EEPD1: variants seen among roughly 807,000 people sequenced by gnomAD.
EEPD1 encodes endonuclease/exonuclease/phosphatase family domain containing 1.
Under a neutral mutation model 46.3 loss-of-function variants are expected in EEPD1, and 17 were observed. The observed-to-expected ratio is 0.37, with a 90% confidence interval of 0.25 to 0.55. EEPD1 has a LOEUF of 0.55. EEPD1 is among the 20% of genes least tolerant of loss of function. The probability of loss-of-function intolerance (pLI) is 0.83; values close to 1 mark genes in which losing one functional copy is unlikely to be tolerated. For missense variants in EEPD1, 673 were observed against 745.6 expected (o/e 0.90, Z 1.13); for synonymous variants, 313 against 315.6 (o/e 0.99, Z 0.09).
At position 36,196,695 on chromosome 7, in the gene EEPD1, G is replaced by A. The variant is rs1785597594; in HGVS notation, c.878+41493G>A. ...TCCCGAAGTGCCGGGATTGCAGACAGAGTCTCGTTAACTCAGTGCTCAATG... is the reference window on the plus strand; with the variant it reads ...TCCCGAAGTGCCGGGATTGCAGACAAAGTCTCGTTAACTCAGTGCTCAATG... On this transcript the variant is annotated intron_variant, in intron 2 of 7. Coordinates refer to ENST00000242108, the MANE Select transcript of EEPD1 (RefSeq NM_030636.3). Among the ~76,000 whole-genome samples the A allele has an allele frequency of 2.6e-5, 4 of 152,238 alleles. No individual in the cohort carries two copies. In the South Asian group the frequency reaches 8.3e-4, roughly 31 times the overall value.
intron 4 of EEPD1, among the ~76,000 whole-genome samples, chr7:36,282,607 A>G (rs777611112): frequency 9.2e-5 from 14 of 152,256 alleles, no homozygotes; most frequent in Non-Finnish European, 1.5e-4. Flanking sequence ...CTTCATCTGT[A>G]AAATGGGAGC....
chr7:36,257,555 G>T (rs1020177489), intron 3 of EEPD1, among the ~76,000 whole-genome samples: 1 of 151,960 alleles, frequency 6.6e-6, no homozygotes, highest in Non-Finnish European at 1.5e-5. Context: ...TTGTCTTCAC[G>T]CTTTATTTCA....
chr7:36,228,156 A>C (rs1355557452), intron 2 of EEPD1, among the ~76,000 whole-genome samples: 1 of 152,210 alleles, frequency 6.6e-6, no homozygotes, highest in Non-Finnish European at 1.5e-5. Flanking sequence ...AAGGGAAAAG[A>C]GGCGTGTTCA....
In EEPD1 at chr7:36,263,058, C is replaced by T. The variant is rs77491689; in HGVS notation, c.931-18057C>T. On this transcript the variant is annotated intron_variant, in intron 3 of 7. Coordinates refer to ENST00000242108, the MANE Select transcript of EEPD1 (RefSeq NM_030636.3). The stretch of plus-strand genomic sequence containing the variant: ...GAAATAAAATGATAAAAAACTTTAG[C>T]TGTTCATGGTGGTGCATGCCTGTGG... 6.9e-3 allele frequency among the ~76,000 whole-genome samples: 1,049 copies of T among 152,242 alleles called. 16 individuals carry two copies. The highest frequency in any genetic ancestry group is 0.024 in the African/African-American group (1,000 of 41,528).
At chr7:36,252,841 T>G (rs1457722201) in intron 3 of EEPD1, among the ~76,000 whole-genome samples, 1 of 144,402 alleles carries the variant, frequency 6.9e-6, no homozygotes, top group Admixed American at 7.0e-5. Flanking sequence ...TTTTTTTTTT[T>G]TTTTTTTTTT....
intron 3 of EEPD1, among the ~76,000 whole-genome samples, chr7:36,268,644 A>G (rs559268765): frequency 1.3e-5 from 2 of 152,136 alleles, no homozygotes; most frequent in Admixed American, 1.3e-4. Context: ...CCACTGGTGT[A>G]TTTCAGAAAT....
rs930536920 is a variant in EEPD1, at chr7:36,300,961, A to T, written c.*1755A>T. ...TTAAAGTCAAGAGGGGCAGCTCAGG[A>T]TGCTACCAGGGAGCACATCGTTTCT... On this transcript the variant is annotated 3_prime_UTR_variant, in exon 8 of 8. Transcript: ENST00000242108. The T allele has an allele frequency of 2.6e-5, 4 of 152,288 alleles. No individual in the cohort carries two copies. The highest frequency in any genetic ancestry group is 9.6e-5 in the African/African-American group (4 of 41,460). 9.4% of individuals were successfully genotyped at this position (152,288 alleles called of 1,614,324 possible). A position where few individuals can be genotyped will look rare whatever the true frequency, so the allele number is the denominator to read the frequency against.
chr7:36,181,282 C>T (rs1274602930), intron 2 of EEPD1, among the ~76,000 whole-genome samples: 1 of 151,232 alleles, frequency 6.6e-6, no homozygotes, highest in Non-Finnish European at 1.5e-5. Context: ...TGTTCCCTTT[C>T]ACACTCGGAG....
intron 5 of EEPD1, among the ~76,000 whole-genome samples, chr7:36,286,576 C>G (rs1353323843): frequency 1.3e-5 from 2 of 152,204 alleles, no homozygotes; most frequent in African/African-American, 4.8e-5. Context: ...TGCACTTGCC[C>G]TTGGGGATGC....
intron 3 of EEPD1, among the ~76,000 whole-genome samples, chr7:36,280,073 G>A (rs1316470117): frequency 6.6e-6 from 1 of 152,212 alleles, no homozygotes; most frequent in East Asian, 1.9e-4. Context: ...CAGCGGGAAG[G>A]ATGGAAGTGC....
At chr7:36,157,392 T>A (rs1418385319) in intron 2 of EEPD1, among the ~76,000 whole-genome samples, 1 of 152,252 alleles carries the variant, frequency 6.6e-6, no homozygotes, top group Non-Finnish European at 1.5e-5. Context: ...CAAAGACGGC[T>A]GGCCTCAGCG....
Position 36,287,698 on chromosome 7 carries a change from G to A in EEPD1, c.1236G>A (p.Gly412=), listed in dbSNP as rs142587467. The A allele has an allele frequency of 0.033, 53,679 of 1,614,116 alleles. 1,370 individuals carry two copies. Among genetic ancestry groups the A allele is most frequent in the Non-Finnish European group, 0.035 (41,699 of 1,179,990 alleles). The part of the protein sequence containing the change: ...NLHLAALTLL[G]SENPSKNHSD... The stretch of plus-strand genomic sequence containing the variant: ...ACCTGGCAGCCCTGACCCTCCTGGG[G>A]AGCGAGAATCCCAGCAAGAATCACA... Residue 412 remains glycine, a synonymous_variant, in exon 6 of 8, where the codon GGG becomes GGA. Transcript: ENST00000242108.
At chr7:36,169,332 A>C (rs1785040620) in intron 2 of EEPD1, among the ~76,000 whole-genome samples, 1 of 152,150 alleles carries the variant, frequency 6.6e-6, no homozygotes, top group Non-Finnish European at 1.5e-5. Context: ...GGGTGGCTGC[A>C]CCATTTTACA....
chr7:36,176,489 G>A (rs1405390828), intron 2 of EEPD1, among the ~76,000 whole-genome samples: 7 of 152,178 alleles, frequency 4.6e-5, no homozygotes, highest in Admixed American at 4.6e-4. Flanking sequence ...AAGTTATTTC[G>A]GTTCAGATGC....
chr7:36,191,430 AAG>A (rs933224793), intron 2 of EEPD1, among the ~76,000 whole-genome samples: 2 of 152,182 alleles, frequency 1.3e-5, no homozygotes, highest in African/African-American at 4.8e-5. Context: ...CAGATAGAAC[AAG>A]AGAGTGCAGG....
At chr7:36,268,420 A>G (rs1013983916) in intron 3 of EEPD1, among the ~76,000 whole-genome samples, 1 of 152,058 alleles carries the variant, frequency 6.6e-6, no homozygotes, top group African/African-American at 2.4e-5. Context: ...CGGCCTCCCA[A>G]AGTGCTGGGA....
At chr7:36,257,220 G>T (rs1284230281) in intron 3 of EEPD1, among the ~76,000 whole-genome samples, 2 of 151,914 alleles carry the variant, frequency 1.3e-5, no homozygotes, top group Non-Finnish European at 2.9e-5. Flanking sequence ...CCCTTTGTGG[G>T]TAACCTGATC....
At chr7:36,291,108 T>A (rs148758806) in intron 6 of EEPD1, among the ~76,000 whole-genome samples, 2 of 152,326 alleles carry the variant, frequency 1.3e-5, no homozygotes, top group East Asian at 3.9e-4. Context: ...TAGAATTGTC[T>A]TTTTCAGCCC....
At chr7:36,174,670 T>A (rs1351055644) in intron 2 of EEPD1, among the ~76,000 whole-genome samples, 1 of 152,244 alleles carries the variant, frequency 6.6e-6, no homozygotes, top group African/African-American at 2.4e-5. Context: ...CTCTGCCTTC[T>A]GATCGCTTTC....
Sources: allele counts gnomAD v4.1 joint callset (sites outside exome capture counted in the v4.1 genomes callset), GRCh38; gene constraint gnomAD v4.1.1; transcripts MANE v1.5; gene names NCBI Gene and HGNC (gene_info 2026-07-23, HGNC 2026-07-21).